The following SNX6 variants were observed in gnomAD, a reference collection of about 807,000 sequenced individuals.
The protein encoded by SNX6 is sorting nexin 6, also known as sorting nexin-6.
A neutral mutation model predicts 63.0 loss-of-function variants in SNX6; 34 were observed. The observed-to-expected ratio is 0.54, with a 90% confidence interval of 0.41 to 0.72. The LOEUF (loss-of-function observed/expected upper bound fraction) is 0.72, where lower values mean the gene tolerates loss of function less well. SNX6 is among the 30% of genes least tolerant of loss of function. The probability of loss-of-function intolerance (pLI) is 0.00; values close to 1 mark genes in which losing one functional copy is unlikely to be tolerated. For synonymous variants in SNX6, 170 were observed against 164.2 expected, an observed-to-expected ratio of 1.04 and a Z score of -0.27; for missense variants, 398 against 471.4, an observed-to-expected ratio of 0.84 and a Z score of 1.44.
chr14:34,622,547 C>T (rs1403400024), intron 2 of SNX6, among the ~76,000 whole-genome samples: 1 of 145,306 alleles, frequency 6.9e-6, no homozygotes, highest in African/African-American at 2.6e-5. Context: ...CGTGCCACTG[C>T]ACTCCAGCCT....
At chr14:34,586,041 T>C (rs1054618112) in intron 9 of SNX6, among the ~76,000 whole-genome samples, 189 bp downstream of exon 9, 3 of 152,134 alleles carry the variant, frequency 2.0e-5, no homozygotes, top group East Asian at 3.8e-4. Flanking sequence ...TAGCTGGGAT[T>C]ACAGGTGTGT....
In SNX6 at chr14:34,562,577, C is replaced by CT. The variant is rs2138247174; in HGVS notation, c.*544dup. On this transcript the variant is annotated 3_prime_UTR_variant, in exon 14 of 14. Coordinates refer to ENST00000362031, the MANE Select transcript of SNX6 (RefSeq NM_152233.4). ...CATTTGCTTTTCTTCAGAAATCATA[C>CT]TTATAAAGATTACATAAAATCTGTC... 1 of 152,568 alleles carries CT rather than the reference C, an allele frequency of 6.6e-6. No individual in the cohort carries two copies. Among genetic ancestry groups the CT allele is most frequent in the East Asian group, 1.9e-4 (1 of 5,202 alleles). 9.5% of individuals were successfully genotyped at this position (152,568 alleles called of 1,614,324 possible). A position where few individuals can be genotyped will look rare whatever the true frequency, so the allele number is the denominator to read the frequency against.
chr14:34,612,504 G>A (rs1288409445), intron 2 of SNX6, among the ~76,000 whole-genome samples: 1 of 151,910 alleles, frequency 6.6e-6, no homozygotes, highest in Non-Finnish European at 1.5e-5. Flanking sequence ...CCCCATCTTG[G>A]CTCACTACAA....
intron 11 of SNX6, among the ~76,000 whole-genome samples, chr14:34,570,429 T>A (rs1881394401): frequency 6.6e-6 from 1 of 151,458 alleles, no homozygotes; most frequent in Non-Finnish European, 1.5e-5. Context: ...ATCTCACATT[T>A]TTTTTTTCCT....
chr14:34,575,702 AC>A, intron 11 of SNX6, 53 bp downstream of exon 11: 1 of 926,392 alleles, frequency 1.1e-6, no homozygotes, highest in Non-Finnish European at 1.7e-6. Context: ...AGTCTAACAA[AC>A]TCAAGAAATG....
intron 5 of SNX6, among the ~76,000 whole-genome samples, 164 bp from the exon 6 acceptor site, chr14:34,603,635 T>C (rs1233798182): frequency 6.6e-6 from 1 of 152,186 alleles, no homozygotes; most frequent in Non-Finnish European, 1.5e-5. Flanking sequence ...GTTAATGAAA[T>C]ACATAAAACC....
chr14:34,586,245 G>C lies in SNX6; in HGVS notation c.779C>G (p.Ser260Cys), dbSNP rs539074807. Residue 260 changes from serine (S) to cysteine (C), a missense_variant, in exon 9 of 14, where the codon TCT becomes TGT. Ser to Cys is a moderately radical substitution (Grantham distance 112). Transcript: ENST00000362031. ...GAACACTTACTTGCATATATCTGTA[G>C]AATCCTGAGTTCCTAAAGCATATAA... is the stretch of plus-strand genomic sequence containing the variant. ...SSLYALGTQD[S>C]TDICKFFLKV... is the part of the protein sequence containing the mutation. 12 of 1,601,048 alleles carry C rather than the reference G, an allele frequency of 7.5e-6. No homozygotes were observed. The Admixed American group carries it at 8.4e-5, about 11-fold the overall frequency.
intron 5 of SNX6, chr14:34,605,360 G>T: frequency 3.7e-6 from 1 of 271,792 alleles, no homozygotes. Flanking sequence ...CAACTTTCAG[G>T]GTCTATTTCA....
intron 10 of SNX6, among the ~76,000 whole-genome samples, chr14:34,580,967 T>G (rs914639097): frequency 1.3e-5 from 2 of 152,058 alleles, no homozygotes; most frequent in African/African-American, 2.4e-5. Context: ...GAATATGAAC[T>G]TTCATACAAA....
intron 11 of SNX6, chr14:34,568,858 C>T (rs1254613515): frequency 3.7e-6 from 4 of 1,090,202 alleles, no homozygotes; most frequent in East Asian, 4.7e-5. Context: ...GCTAAAGTGG[C>T]CAGGCATGCC....
chr14:34,568,144 A>ATTT (rs35123961), intron 11 of SNX6, 131 bp from the exon 12 acceptor site: 1,133 of 455,574 alleles, frequency 2.5e-3, no homozygotes, highest in Middle Eastern at 5.9e-3. Context: ...AGTTACTCCA[A>ATTT]TTTTTTTTTT....
chr14:34,624,140 G>A (rs900890441), intron 2 of SNX6, among the ~76,000 whole-genome samples: 6 of 151,850 alleles, frequency 4.0e-5, no homozygotes, highest in Admixed American at 2.0e-4. Context: ...CGCTCTTGTC[G>A]CCCAGGCTGG....
At chr14:34,566,797 TG>T (rs1881201677) in intron 13 of SNX6, among the ~76,000 whole-genome samples, 1 of 152,180 alleles carries the variant, frequency 6.6e-6, no homozygotes, top group African/African-American at 2.4e-5. Context: ...GGGCCAGGCA[TG>T]GTGGCATACA....
intron 2 of SNX6, among the ~76,000 whole-genome samples, chr14:34,622,933 C>G (rs1883681709): frequency 1.3e-5 from 2 of 152,172 alleles, no homozygotes; most frequent in Non-Finnish European, 2.9e-5. Flanking sequence ...TGGAAAGTCC[C>G]TGACATGCAG....
intron 8 of SNX6, among the ~76,000 whole-genome samples, chr14:34,588,832 A>C (rs1434193035): frequency 6.6e-6 from 1 of 152,186 alleles, no homozygotes; most frequent in Non-Finnish European, 1.5e-5. Flanking sequence ...AATTCATATG[A>C]AAATATAAAG....
chr14:34,617,589 C>A (rs1191032424), intron 2 of SNX6, among the ~76,000 whole-genome samples: 1 of 116,720 alleles, frequency 8.6e-6, no homozygotes, highest in African/African-American at 3.5e-5. Context: ...GCCTGGGTGA[C>A]AGAGTGAGAC....
chr14:34,581,501 T>C, intron 10 of SNX6, 60 bp downstream of exon 10: 1 of 998,418 alleles, frequency 1.0e-6, no homozygotes, highest in South Asian at 1.8e-5. Context: ...TAAAAACCTT[T>C]AACATGAGCT....
chr14:34,629,525 T>C (rs1475064010), intron 2 of SNX6: 4 of 507,326 alleles, frequency 7.9e-6, no homozygotes, highest in East Asian at 1.1e-4. Context: ...CGGGTGAAAA[T>C]TGAGGGTGCC....
intron 6 of SNX6, among the ~76,000 whole-genome samples, chr14:34,602,382 G>A (rs1046053639): frequency 6.6e-5 from 10 of 151,008 alleles, no homozygotes; most frequent in Non-Finnish European, 1.0e-4. Context: ...AGCTGAGATC[G>A]CACCGTTGCA....
Sources: allele counts gnomAD v4.1 joint callset (sites outside exome capture counted in the v4.1 genomes callset), GRCh38; gene constraint gnomAD v4.1.1; transcripts MANE v1.5; gene names NCBI Gene and HGNC (gene_info 2026-07-23, HGNC 2026-07-21).